Variants in PPFIBP2 observed in about 807,000 individuals in gnomAD.
PPFIBP2 encodes liprin-beta-2.
PPFIBP2 carries 118 observed loss-of-function variants against 118.3 expected under a neutral mutation model. That is an observed-to-expected ratio of 1.00 (90% confidence interval 0.86 to 1.16). PPFIBP2 has a LOEUF of 1.16. Ranked by LOEUF, PPFIBP2 falls within the 50% of genes most tolerant of loss-of-function variation. The pLI is 0.00. For missense variants in PPFIBP2, 1,195 were observed against 1,073.1 expected, an observed-to-expected ratio of 1.11 and a Z score of -1.59; for synonymous variants, 414 against 397.4, an observed-to-expected ratio of 1.04 and a Z score of -0.50.
the PPFIBP2 span, chr11:7,665,610 G>A: frequency 7.6e-5 from 114 of 1,497,574 alleles, no homozygotes; most frequent in South Asian, 6.0e-4. Flanking sequence ...ATCCCAGGCC[G>A]CCTGCACACC....
At chr11:7,667,297 A>T in the PPFIBP2 span, 1 of 151,018 alleles carries the variant, frequency 6.6e-6, no homozygotes, top group African/African-American at 2.4e-5. Context: ...AAAGCATCTT[A>T]AAGAGAAGAA....
the PPFIBP2 span, among the ~76,000 whole-genome samples, chr11:7,663,919 G>A: frequency 9.2e-5 from 14 of 152,238 alleles, no homozygotes; most frequent in East Asian, 3.9e-4. Flanking sequence ...TTCCAGGTGC[G>A]TCCGTCACCC....
chr11:7,640,021 ACC>A, intron 15 of PPFIBP2, 151 bp downstream of exon 15: 1 of 902,782 alleles, frequency 1.1e-6, no homozygotes, highest in Non-Finnish European at 1.5e-6. Context: ...GGGTGGTCCC[ACC>A]TCCCCAGAGG....
Position 7,597,878 on chromosome 11 carries a change from C to A in PPFIBP2, c.486+205C>A, listed in dbSNP as rs147459631. The A allele has an allele frequency of 1.9e-4, 105 of 540,252 alleles. 1 individual carries two copies. In the Middle Eastern group the frequency reaches 2.0e-3, roughly 10 times the overall value. 33.5% of individuals were successfully genotyped at this position (540,252 alleles called of 1,614,324 possible). ...GCAGAGGGGGTAGGGAAGGGAAGGG[C>A]TGCCCTGAGATGAATAACCTGCTGA... On this transcript the variant is annotated intron_variant, in intron 5 of 23. Transcript: ENST00000299492.
chr11:7,539,951 C>T (rs1020376053), intron 1 of PPFIBP2, among the ~76,000 whole-genome samples: 3 of 152,196 alleles, frequency 2.0e-5, no homozygotes, highest in African/African-American at 7.2e-5. Flanking sequence ...TCTACAGTCC[C>T]ACAATGTGTC....
At position 7,650,911 on chromosome 11, in the gene PPFIBP2, C is replaced by A. The variant is rs770938471; in HGVS notation, c.2193C>A (p.Asp731Glu). 1 of 1,614,066 alleles carries A rather than the reference C, an allele frequency of 6.2e-7. No individual in the cohort carries two copies. The highest frequency in any genetic ancestry group is 8.5e-7 in the Non-Finnish European group (1 of 1,179,960). ...TGATGGAGTGGTTACGATCTGTGGA[C>A]CTGGCAGAGTATGCACCCAATCTTC... ...HRVMEWLRSVDLAEYAPNLRG... is the reference protein window; with the variant it reads ...HRVMEWLRSVELAEYAPNLRG... Residue 731 changes from aspartate to glutamate, a missense_variant, in exon 22 of 24, where the codon GAC (aspartate) becomes GAA (glutamate). Coordinates refer to ENST00000299492, the MANE Select transcript of PPFIBP2 (RefSeq NM_003621.5).
chr11:7,642,123 A>T, intron 16 of PPFIBP2, 175 bp from the exon 17 acceptor site: 1 of 702,834 alleles, frequency 1.4e-6, no homozygotes, highest in Non-Finnish European at 2.2e-6. Context: ...TTGAGGCTTG[A>T]GTCTGGCCAA....
intron 1 of PPFIBP2, among the ~76,000 whole-genome samples, chr11:7,535,661 T>C (rs1444234359): frequency 1.3e-5 from 2 of 152,204 alleles, no homozygotes; most frequent in Non-Finnish European, 2.9e-5. Context: ...ACTACCATCA[T>C]GAGAACAGGA....
intron 6 of PPFIBP2, among the ~76,000 whole-genome samples, chr11:7,612,258 G>A (rs558401656): frequency 6.6e-6 from 1 of 152,186 alleles, no homozygotes; most frequent in Non-Finnish European, 1.5e-5. Flanking sequence ...CAGTAGCTCC[G>A]GAATGATATC....
intron 12 of PPFIBP2, among the ~76,000 whole-genome samples, chr11:7,633,289 G>A (rs924827994): frequency 6.6e-6 from 1 of 152,190 alleles, no homozygotes; most frequent in East Asian, 1.9e-4. Context: ...TGCTCTTAGA[G>A]TGAATTTAGC....
chr11:7,525,392 T>C (rs1359010850), intron 1 of PPFIBP2, among the ~76,000 whole-genome samples: 2 of 152,192 alleles, frequency 1.3e-5, no homozygotes, highest in African/African-American at 4.8e-5. Flanking sequence ...AATCCTTTTA[T>C]TCCCGTCTCA....
At chr11:7,639,688 G>A (rs1851882548) in intron 14 of PPFIBP2, 44 bp from the exon 15 acceptor site, 2 of 1,612,110 alleles carry the variant, frequency 1.2e-6, no homozygotes, top group Admixed American at 1.7e-5. Flanking sequence ...AACTGAGGCT[G>A]ACAGTTAAGT....
At chr11:7,582,722 A>C (rs1367856497) in intron 3 of PPFIBP2, among the ~76,000 whole-genome samples, 1 of 151,998 alleles carries the variant, frequency 6.6e-6, no homozygotes. Flanking sequence ...ATAGGAAAAA[A>C]AAAAAAAAAC....
intron 1 of PPFIBP2, among the ~76,000 whole-genome samples, chr11:7,526,015 C>G (rs141588035): frequency 2.4e-4 from 37 of 152,252 alleles, no homozygotes; most frequent in African/African-American, 8.7e-4. Context: ...AAACTAAAGA[C>G]GGAGCAGATT....
chr11:7,529,226 C>T (rs531210400), intron 1 of PPFIBP2, among the ~76,000 whole-genome samples: 1 of 152,312 alleles, frequency 6.6e-6, no homozygotes, highest in South Asian at 2.1e-4. Flanking sequence ...GTTAAAGGCT[C>T]TTCCAGGGTC....
At chr11:7,535,617 A>G (rs1033719495) in intron 1 of PPFIBP2, among the ~76,000 whole-genome samples, 5 of 152,242 alleles carry the variant, frequency 3.3e-5, no homozygotes, top group African/African-American at 1.2e-4. Context: ...AGCTCAGTGT[A>G]GAAGTGAGTG....
At chr11:7,642,495 T>C (rs4402283) in intron 17 of PPFIBP2, 69 bp downstream of exon 17, 1,315,657 of 1,515,042 alleles carry the variant, frequency 0.87, 576,023 homozygotes, top group East Asian at 0.96. Context: ...CAAACCTGCA[T>C]GGGTGAATCT....
At chr11:7,563,625 G>A (rs1854599121) in intron 2 of PPFIBP2, among the ~76,000 whole-genome samples, 2 of 152,180 alleles carry the variant, frequency 1.3e-5, no homozygotes, top group African/African-American at 4.8e-5. Context: ...TGGATGCGGT[G>A]GCCCCAAGCT....
At chr11:7,537,198 C>A (rs1374386123) in intron 1 of PPFIBP2, among the ~76,000 whole-genome samples, 1 of 152,194 alleles carries the variant, frequency 6.6e-6, no homozygotes, top group Non-Finnish European at 1.5e-5. Flanking sequence ...CAAGCTGGGG[C>A]AGCTTCATTC....
Sources: allele counts gnomAD v4.1 joint callset (sites outside exome capture counted in the v4.1 genomes callset), GRCh38; gene constraint gnomAD v4.1.1; transcripts MANE v1.5; gene names NCBI Gene and HGNC (gene_info 2026-07-23, HGNC 2026-07-21).